The following C1orf21 variants were observed in gnomAD, a reference collection of about 807,000 sequenced individuals.
C1orf21 encodes the protein chromosome 1 open reading frame 21.
In C1orf21, 3 loss-of-function variants were observed where a neutral mutation model predicts 18.7. That is an observed-to-expected ratio of 0.16 (90% CI 0.07 to 0.42). C1orf21 has a LOEUF of 0.42. Among genes scored for constraint, C1orf21 ranks in the 10% least tolerant of loss-of-function variants. The pLI is 0.99. For synonymous variants in C1orf21, 41 were observed against 46.4 expected, an observed-to-expected ratio of 0.88 and a Z score of 0.47; for missense variants, 104 against 143.6, an observed-to-expected ratio of 0.72 and a Z score of 1.41.
At chr1:184,565,171 T>C (rs1485249694) in intron 3 of C1orf21, among the ~76,000 whole-genome samples, 2 of 152,182 alleles carry the variant, frequency 1.3e-5, no homozygotes, top group Non-Finnish European at 2.9e-5. Context: ...CAGAAGTGTG[T>C]GCACACACAT....
intron 3 of C1orf21, among the ~76,000 whole-genome samples, chr1:184,576,335 G>A (rs1322366457): frequency 6.6e-6 from 1 of 152,188 alleles, no homozygotes; most frequent in Non-Finnish European, 1.5e-5. Context: ...ATGTTGGCCA[G>A]GCTGGTCTCG....
chr1:184,538,698 T>C (rs1345316574), intron 3 of C1orf21, among the ~76,000 whole-genome samples: 3 of 152,230 alleles, frequency 2.0e-5, no homozygotes, highest in Admixed American at 6.5e-5. Context: ...CCAGCACCAT[T>C]TGTTGGAAAG....
At chr1:184,564,036 T>C (rs1659000588) in intron 3 of C1orf21, among the ~76,000 whole-genome samples, 1 of 152,180 alleles carries the variant, frequency 6.6e-6, no homozygotes, top group African/African-American at 2.4e-5. Flanking sequence ...TCAACAGTCA[T>C]TGTTAGCATT....
rs139623189 is a variant in C1orf21, at chr1:184,434,388, G to T, written c.-124-42998G>T. On this transcript the variant is annotated intron_variant, in intron 1 of 5. Coordinates refer to ENST00000235307, the MANE Select transcript of C1orf21 (RefSeq NM_030806.4). ...AATGAGACTCAAAGTCATTCATTCAGTCAGTCAGTCAGTAATTGTGTATTG... is the reference window on the plus strand; with the variant it reads ...AATGAGACTCAAAGTCATTCATTCATTCAGTCAGTCAGTAATTGTGTATTG... 2.6e-4 allele frequency among the ~76,000 whole-genome samples: 39 copies of T among 152,278 alleles called. No individual in the cohort carries two copies. In the East Asian group the frequency reaches 2.9e-3, roughly 11 times the overall value.
At chr1:184,445,437 A>T (rs964639611) in intron 1 of C1orf21, among the ~76,000 whole-genome samples, 1 of 50,420 alleles carries the variant, frequency 2.0e-5, no homozygotes, top group African/African-American at 7.9e-5. Flanking sequence ...TTACCCCCCC[A>T]CCCAACCCCA....
chr1:184,483,933 G>A (rs1214378554), intron 2 of C1orf21, among the ~76,000 whole-genome samples: 2 of 151,034 alleles, frequency 1.3e-5, no homozygotes, highest in East Asian at 3.9e-4. Flanking sequence ...GGGGGTGTAT[G>A]TGTGTTTTGA....
Position 184,449,608 on chromosome 1 carries a change from T to C in C1orf21, c.-124-27778T>C, listed in dbSNP as rs148296235. 7.2e-5 allele frequency among the ~76,000 whole-genome samples: 11 copies of C among 152,280 alleles called. 1 individual carries two copies. The East Asian group carries it at 2.1e-3, about 29-fold the overall frequency. On this transcript the variant is annotated intron_variant, in intron 1 of 5. Transcript: ENST00000235307. ...TCAAATGGTATTTCTAGTTCTTAAC[T>C]AGATTTCTTAATACTCAGGAACCAC... is the stretch of plus-strand genomic sequence containing the variant.
intron 3 of C1orf21, among the ~76,000 whole-genome samples, chr1:184,563,900 G>C (rs897279713): frequency 6.6e-6 from 1 of 152,182 alleles, no homozygotes; most frequent in Non-Finnish European, 1.5e-5. Context: ...TCAGGGGTTT[G>C]GGCTCTTGAG....
At chr1:184,549,210 G>T (rs1227390242) in intron 3 of C1orf21, among the ~76,000 whole-genome samples, 1 of 152,128 alleles carries the variant, frequency 6.6e-6, no homozygotes, top group Non-Finnish European at 1.5e-5. Flanking sequence ...ACTCAGTTTT[G>T]TCATCTGCAA....
chr1:184,492,239 C>T (rs2101956623), intron 2 of C1orf21, among the ~76,000 whole-genome samples: 1 of 152,352 alleles, frequency 6.6e-6, no homozygotes, highest in Admixed American at 6.5e-5. Flanking sequence ...GATTCTGCCA[C>T]AGAGTAACCA....
chr1:184,469,694 G>A (rs954555803), intron 1 of C1orf21, among the ~76,000 whole-genome samples: 1 of 152,174 alleles, frequency 6.6e-6, no homozygotes, highest in Non-Finnish European at 1.5e-5. Flanking sequence ...AAATGCTTAC[G>A]GAGGGTATGC....
rs936816219 is a variant in C1orf21 at position 184,623,650 on chromosome 1, G to A, written c.*4094G>A. The A allele has an allele frequency of 1.2e-4, 18 of 152,596 alleles. No homozygotes were observed. The highest frequency in any genetic ancestry group is 4.1e-4 in the African/African-American group (17 of 41,444). The allele number at this position is 152,596 out of a possible 1,614,324, so 9.5% of individuals were successfully genotyped here. A position where few individuals can be genotyped will look rare whatever the true frequency, so the allele number is the denominator to read the frequency against. On this transcript the variant is annotated 3_prime_UTR_variant, in exon 6 of 6. Transcript: ENST00000235307. Reference sequence around the variant, plus strand: ...GAGGGGCTGGGTTAGGCAGTCGGCTGTCACACTCACATGTGCCTGCAATAA... The same window carrying A: ...GAGGGGCTGGGTTAGGCAGTCGGCTATCACACTCACATGTGCCTGCAATAA...
intron 5 of C1orf21, among the ~76,000 whole-genome samples, chr1:184,609,429 C>A (rs1183616120): frequency 6.6e-6 from 1 of 152,174 alleles, no homozygotes; most frequent in Non-Finnish European, 1.5e-5. Flanking sequence ...AGAGCTCTTT[C>A]AGAGCAAAGA....
intron 1 of C1orf21, among the ~76,000 whole-genome samples, chr1:184,430,219 A>G (rs147345604): frequency 6.6e-6 from 1 of 151,834 alleles, no homozygotes; most frequent in African/African-American, 2.4e-5. Flanking sequence ...GCCTCTGTCT[A>G]TGATCTGTGA....
At chr1:184,442,028 A>G (rs1262878570) in intron 1 of C1orf21, among the ~76,000 whole-genome samples, 1 of 152,188 alleles carries the variant, frequency 6.6e-6, no homozygotes, top group Non-Finnish European at 1.5e-5. Context: ...TGGATTTTCA[A>G]GTCAAAAGAA....
In C1orf21 at chr1:184,522,744, G is replaced by A. The variant is rs186811713; in HGVS notation, c.189+15062G>A. Reference sequence around the variant, plus strand: ...TCCGATTTGCCCAGGCTGGAGTGCAGTGGCGCAATTTTGGCTCACTGCAGC... The same window carrying A: ...TCCGATTTGCCCAGGCTGGAGTGCAATGGCGCAATTTTGGCTCACTGCAGC... On this transcript the variant is annotated intron_variant, in intron 3 of 5. Transcript: ENST00000235307. 3.5e-4 allele frequency among the ~76,000 whole-genome samples: 53 copies of A among 152,316 alleles called. 1 individual carries two copies. In the East Asian group the frequency reaches 0.01, roughly 29 times the overall value.
At position 184,589,391 on chromosome 1, in the gene C1orf21, C is replaced by T. The variant is rs144734205; in HGVS notation, c.190-1348C>T. ...TCATTCACCAGTATTTGCTGAGTGCCGCTCATGAAGTGCCAGGCCCCTTAC... is the reference window on the plus strand; with the variant it reads ...TCATTCACCAGTATTTGCTGAGTGCTGCTCATGAAGTGCCAGGCCCCTTAC... On this transcript the variant is annotated intron_variant, in intron 3 of 5. Transcript: ENST00000235307. Among the ~76,000 whole-genome samples, 13 of 152,270 alleles carry T rather than the reference C, an allele frequency of 8.5e-5. No homozygotes were observed. In the East Asian group the frequency reaches 1.5e-3, roughly 18 times the overall value.
chr1:184,471,119 G>A (rs1657490416), intron 1 of C1orf21, among the ~76,000 whole-genome samples: 1 of 152,130 alleles, frequency 6.6e-6, no homozygotes. Flanking sequence ...TCTGGTGCAG[G>A]AGAAATGTGC....
chr1:184,553,810 C>T (rs1403173355), intron 3 of C1orf21, among the ~76,000 whole-genome samples: 1 of 152,160 alleles, frequency 6.6e-6, no homozygotes, highest in Non-Finnish European at 1.5e-5. Context: ...TCTTCCAGGA[C>T]ATCAGAGATG....
Sources: gnomAD v4.1 joint callset for allele counts (sites outside exome capture counted in the v4.1 genomes callset) on GRCh38, gnomAD v4.1.1 for gene constraint, MANE v1.5 for transcripts, NCBI Gene and HGNC (gene_info 2026-07-23, HGNC 2026-07-21) for gene names.